The following CACNA2D4 variants were observed in gnomAD, a reference collection of about 807,000 sequenced individuals.
The protein encoded by CACNA2D4 is voltage-dependent calcium channel subunit alpha-2/delta-4.
In CACNA2D4, 157 loss-of-function variants were observed where a neutral mutation model predicts 163.8. The ratio of observed to expected loss-of-function variants is 0.96; its 90% CI spans 0.84 to 1.09. CACNA2D4 has a LOEUF of 1.09. Ranked by LOEUF, CACNA2D4 falls within the 50% of genes least tolerant of loss-of-function variation. The pLI is 0.00. For missense variants in CACNA2D4, 1,410 were observed against 1,479.9 expected, an observed-to-expected ratio of 0.95 and a Z score of 0.78; for synonymous variants, 598 against 586.9, an observed-to-expected ratio of 1.02 and a Z score of -0.27.
At chr12:1,908,133 C>G (rs1442177016) in intron 4 of CACNA2D4, 96 bp from the exon 5 acceptor site, 1 of 1,282,508 alleles carries the variant, frequency 7.8e-7, no homozygotes, top group African/African-American at 1.5e-5. Flanking sequence ...GACGAGAGGG[C>G]CGGGGCCGGG....
chr12:1,887,112 C>T, intron 6 of CACNA2D4, 43 bp from the exon 7 acceptor site: 2 of 1,390,902 alleles, frequency 1.4e-6, no homozygotes, highest in East Asian at 2.5e-5. Context: ...TTGGTGAGGC[C>T]ACCCCAGATC....
intron 6 of CACNA2D4, among the ~76,000 whole-genome samples, chr12:1,905,387 T>C (rs1866635185): frequency 2.0e-5 from 3 of 152,046 alleles, no homozygotes; most frequent in African/African-American, 7.2e-5. Flanking sequence ...AAGAAATAAA[T>C]GACATTCAAA....
At chr12:1,812,098 C>T (rs1330999471) in intron 26 of CACNA2D4, among the ~76,000 whole-genome samples, 2 of 152,178 alleles carry the variant, frequency 1.3e-5, no homozygotes, top group African/African-American at 4.8e-5. Context: ...CAGAGAGACC[C>T]ACCCTTTTGA....
In CACNA2D4 at chr12:1,834,153, C is replaced by T. The variant is rs1864748394; in HGVS notation, c.2551+6586G>A. ...TAGATGGTGATTCCAGGATTGACTA[C>T]ATTGCTGATAAAAACTACCTTCTGG... On this transcript the variant is annotated intron_variant, in intron 26 of 37. Coordinates refer to ENST00000382722, the MANE Select transcript of CACNA2D4 (RefSeq NM_172364.5). This position sits in a 1 kb window ranked among gnomAD's most constrained non-coding sequence, Gnocchi z 7.6. The T allele has an allele frequency of 8.2e-7, 1 of 1,215,818 alleles. No individual in the cohort carries two copies. The highest frequency in any genetic ancestry group is 1.1e-6 in the Non-Finnish European group (1 of 895,036). 75.3% of individuals were successfully genotyped at this position (1,215,818 alleles called of 1,614,324 possible).
rs923581376 is a variant in CACNA2D4, at chr12:1,793,174, T to C, written c.*481A>G. On this transcript the variant is annotated 3_prime_UTR_variant, in exon 38 of 38. Coordinates refer to ENST00000382722, the MANE Select transcript of CACNA2D4 (RefSeq NM_172364.5). The stretch of plus-strand genomic sequence containing the variant: ...GAATCTATGCTTTAGTTGGGGCATA[T>C]TCTTGCCTTAGCCTCATCTCTGCAT... The C allele has an allele frequency of 1.3e-5, 2 of 156,350 alleles. No individual in the cohort carries two copies. The highest frequency in any genetic ancestry group is 2.4e-5 in the African/African-American group (1 of 41,532). 9.7% of individuals were successfully genotyped at this position (156,350 alleles called of 1,614,324 possible).
chr12:1,906,913 G>A (rs1866671929), intron 6 of CACNA2D4, among the ~76,000 whole-genome samples: 1 of 152,198 alleles, frequency 6.6e-6, no homozygotes, highest in African/African-American at 2.4e-5. Flanking sequence ...AAATGGGTTG[G>A]GGTGAAATGG....
chr12:1,804,817 G>A (rs1863470267), intron 29 of CACNA2D4, among the ~76,000 whole-genome samples: 1 of 152,248 alleles, frequency 6.6e-6, no homozygotes, highest in African/African-American at 2.4e-5. Context: ...TCGTGCGGAT[G>A]GGGACAGGCT....
At chr12:1,811,365 T>C (rs1297190477) in intron 27 of CACNA2D4, among the ~76,000 whole-genome samples, 2 of 152,198 alleles carry the variant, frequency 1.3e-5, no homozygotes, top group Non-Finnish European at 2.9e-5. Context: ...CCCCGGACCT[T>C]GGACGGTGGA....
rs1303650041 is a variant in CACNA2D4 at position 1,834,934 on chromosome 12, C to G, written c.2551+5805G>C. 3.6e-6 allele frequency: 3 copies of G among 843,630 alleles called. No homozygotes were observed. Among genetic ancestry groups the G allele is most frequent in the African/African-American group, 3.4e-5 (2 of 58,210 alleles). The allele number at this position is 843,630 out of a possible 1,614,324, so 52.3% of individuals were successfully genotyped here. On this transcript the variant is annotated intron_variant, in intron 26 of 37. Transcript: ENST00000382722. The surrounding 1 kb of genome is among the most constrained non-coding windows in gnomAD (Gnocchi z 7.6). ...TGGGGGCTCCTGCTGATGCTCCTGT[C>G]TGGGCCAGTAAATCTTTGGAACATG...
At chr12:1,884,529 C>A (rs533202272) in intron 11 of CACNA2D4, among the ~76,000 whole-genome samples, 159 of 152,264 alleles carry the variant, frequency 1.0e-3, no homozygotes, top group Non-Finnish European at 2.0e-3. Context: ...TACAGCCTGG[C>A]AGTTCTGATG....
rs759708625 is a variant in CACNA2D4 at position 1,882,957 on chromosome 12, G to A, written c.1395C>T (p.Asn465=). The A allele has an allele frequency of 5.0e-6, 8 of 1,613,236 alleles. No individual in the cohort carries two copies. The highest frequency in any genetic ancestry group is 2.2e-5 in the South Asian group (2 of 90,846). The part of the protein sequence containing the change: ...QISTLADTQE[N]VMEYLHVLSR... Reference sequence around the variant, plus strand: ...TGAGCACGTGCAGGTATTCCATCACGTTCTCCTGGGTGTCCGCCAGCGTTG... The same window carrying A: ...TGAGCACGTGCAGGTATTCCATCACATTCTCCTGGGTGTCCGCCAGCGTTG... Residue 465 remains asparagine, a synonymous_variant, in exon 13 of 38, where the codon AAC becomes AAT. Coordinates refer to ENST00000382722, the MANE Select transcript of CACNA2D4 (RefSeq NM_172364.5).
At chr12:1,795,029 C>A (rs1392994095) in intron 37 of CACNA2D4, 2 of 574,080 alleles carry the variant, frequency 3.5e-6, no homozygotes, top group Non-Finnish European at 6.2e-6. Flanking sequence ...AGACCAAACA[C>A]TATAACAAAA....
chr12:1,871,933 A>C (rs1865797120), intron 18 of CACNA2D4, among the ~76,000 whole-genome samples: 1 of 152,066 alleles, frequency 6.6e-6, no homozygotes, highest in Non-Finnish European at 1.5e-5. Flanking sequence ...CCTAGGTTAG[A>C]CTCCAGGACA....
At chr12:1,847,994 C>T (rs921721426) in intron 23 of CACNA2D4, among the ~76,000 whole-genome samples, 1 of 152,120 alleles carries the variant, frequency 6.6e-6, no homozygotes, top group Non-Finnish European at 1.5e-5. Context: ...CTAAGGCTCA[C>T]GCATGGCAAC....
At chr12:1,906,371 G>A (rs1024702154) in intron 6 of CACNA2D4, among the ~76,000 whole-genome samples, 1 of 152,166 alleles carries the variant, frequency 6.6e-6, no homozygotes, top group African/African-American at 2.4e-5. Context: ...TATGAACAGA[G>A]TAAAAAGGCA....
At chr12:1,804,700 A>C (rs1305971911) in intron 29 of CACNA2D4, among the ~76,000 whole-genome samples, 6 of 152,202 alleles carry the variant, frequency 3.9e-5, no homozygotes, top group South Asian at 2.1e-4. Context: ...AGCCGCTGGG[A>C]GGGACTTCCG....
chr12:1,850,232 G>A (rs1208579649), intron 23 of CACNA2D4, among the ~76,000 whole-genome samples: 1 of 152,184 alleles, frequency 6.6e-6, no homozygotes, highest in African/African-American at 2.4e-5. Flanking sequence ...TGCCAACAGT[G>A]CACACTGACA....
chr12:1,907,624 T>C (rs915406760), intron 5 of CACNA2D4, 53 bp from the exon 6 acceptor site: 46 of 1,548,862 alleles, frequency 3.0e-5, no homozygotes, highest in Non-Finnish European at 3.9e-5. Flanking sequence ...AGGAAAATGG[T>C]GATCATGCCC....
rs182603720 is a variant in CACNA2D4 at position 1,917,327 on chromosome 12, A to G, written c.227+920T>C. On this transcript the variant is annotated intron_variant, in intron 1 of 37. Coordinates refer to ENST00000382722, the MANE Select transcript of CACNA2D4 (RefSeq NM_172364.5). The surrounding 1 kb of genome is among the most constrained non-coding windows in gnomAD (Gnocchi z 4.3). ...AAGGAGAGCTATGCGGCTCGATGGG[A>G]AACGATGCTGCCTAATCCACTGGTC... is the stretch of plus-strand genomic sequence containing the variant. Among the ~76,000 whole-genome samples the G allele has an allele frequency of 8.0e-4, 122 of 152,302 alleles. No individual in the cohort carries two copies. Among genetic ancestry groups the G allele is most frequent in the African/African-American group, 2.9e-3 (119 of 41,560 alleles).
Sources: gnomAD v4.1 joint callset for allele counts (sites outside exome capture counted in the v4.1 genomes callset) on GRCh38, gnomAD v4.1.1 for gene constraint, Gnocchi (gnomAD v3.1) non-coding constraint, MANE v1.5 for transcripts, NCBI Gene and HGNC (gene_info 2026-07-23, HGNC 2026-07-21) for gene names.